Variants in SH3D19 observed in about 807,000 individuals in gnomAD.
SH3D19 encodes SH3 domain containing 19.
A neutral mutation model predicts 112.1 loss-of-function variants in SH3D19; 58 were observed. The observed-to-expected ratio is 0.52, with a 90% CI of 0.42 to 0.64. The LOEUF (loss-of-function observed/expected upper bound fraction) is 0.64. Among genes scored for constraint, SH3D19 ranks in the 30% least tolerant of loss-of-function variants. The pLI is 0.00. For missense variants in SH3D19, 1,090 were observed against 1,263.4 expected (o/e 0.86, Z 2.08); for synonymous variants, 391 against 448.5 (o/e 0.87, Z 1.62).
At chr4:151,233,258 A>G (rs543229985) in intron 1 of SH3D19, among the ~76,000 whole-genome samples, 1 of 151,998 alleles carries the variant, frequency 6.6e-6, no homozygotes, top group East Asian at 1.9e-4. Flanking sequence ...ATAATGTAAT[A>G]ATAATATAAA....
At chr4:151,269,010 T>C (rs888129211) in intron 1 of SH3D19, among the ~76,000 whole-genome samples, 6 of 152,152 alleles carry the variant, frequency 3.9e-5, no homozygotes, top group East Asian at 1.9e-4. Context: ...CCTGAGGAAT[T>C]GCCATACTGA....
chr4:151,298,076 T>C (rs976768538), intron 1 of SH3D19, among the ~76,000 whole-genome samples: 6 of 152,148 alleles, frequency 3.9e-5, no homozygotes, highest in Admixed American at 6.5e-5. Flanking sequence ...AAAAACAGGA[T>C]TCTCCCCTAG....
intron 2 of SH3D19, among the ~76,000 whole-genome samples, chr4:151,209,870 CTT>C (rs1765684775): frequency 6.6e-6 from 1 of 152,108 alleles, no homozygotes; most frequent in Non-Finnish European, 1.5e-5. Flanking sequence ...GGAAAGTGCT[CTT>C]TTGGGACCTG....
intron 1 of SH3D19, among the ~76,000 whole-genome samples, chr4:151,286,030 TAAA>T (rs771668211): frequency 1.6e-5 from 2 of 128,818 alleles, no homozygotes. Flanking sequence ...ACCCTATCTC[TAAA>T]AAAAAAAAAA....
At chr4:151,202,330 G>A (rs149812689) in intron 2 of SH3D19, among the ~76,000 whole-genome samples, 108 of 152,262 alleles carry the variant, frequency 7.1e-4, no homozygotes, top group African/African-American at 1.9e-3. Context: ...GCAAGACTCC[G>A]TCTCAAAATA....
chr4:151,163,714 G>C (rs1757529207), intron 8 of SH3D19, among the ~76,000 whole-genome samples: 1 of 152,032 alleles, frequency 6.6e-6, no homozygotes, highest in East Asian at 1.9e-4. Context: ...CCAAGTAGCT[G>C]GGATTACAGG....
At chr4:151,277,049 G>C (rs745921417) in intron 1 of SH3D19, 2 of 626,520 alleles carry the variant, frequency 3.2e-6, no homozygotes, top group Non-Finnish European at 4.7e-6. Flanking sequence ...GACCAAAGGA[G>C]AGGAGGGGGT....
At position 151,225,951 on chromosome 4, in the gene SH3D19, G is replaced by A. The variant is rs1326092493; in HGVS notation, c.152+96C>T. 4.0e-6 allele frequency: 3 copies of A among 755,072 alleles called. No individual in the cohort carries two copies. The East Asian group carries it at 1.0e-4, about 26-fold the overall frequency. 46.8% of individuals were successfully genotyped at this position (755,072 alleles called of 1,614,324 possible). A position where few individuals can be genotyped will look rare whatever the true frequency, so the allele number is the denominator to read the frequency against. ...CTGAATGCTACAGAAGATTCCAATA[G>A]ACAGTAACTCTAAAGAGGACACTTA... On this transcript the variant is annotated intron_variant, in intron 2 of 19. Transcript: ENST00000604030.
intron 9 of SH3D19, among the ~76,000 whole-genome samples, chr4:151,154,122 C>G (rs187069507): frequency 0.025 from 3,737 of 148,366 alleles, 100 homozygotes; most frequent in Admixed American, 0.074. Context: ...ACACCACACC[C>G]GGCTGATTTT....
chr4:151,208,572 G>A (rs1765452476), intron 2 of SH3D19, among the ~76,000 whole-genome samples: 1 of 151,994 alleles, frequency 6.6e-6, no homozygotes, highest in Admixed American at 6.6e-5. Context: ...GTTTCACCAT[G>A]TTTGTCAGGC....
chr4:151,122,618 C>G (rs1339353193), intron 19 of SH3D19, among the ~76,000 whole-genome samples: 1 of 151,862 alleles, frequency 6.6e-6, no homozygotes, highest in African/African-American at 2.4e-5. Context: ...AACGGGAAGG[C>G]AAATAAACTG....
At chr4:151,227,398 A>G (rs952265139) in intron 1 of SH3D19, among the ~76,000 whole-genome samples, 2 of 152,242 alleles carry the variant, frequency 1.3e-5, no homozygotes, top group Admixed American at 6.5e-5. Context: ...AATAAGTAAA[A>G]AGATTCACAA....
At chr4:151,238,384 G>C (rs1770292922) in intron 1 of SH3D19, among the ~76,000 whole-genome samples, 1 of 152,164 alleles carries the variant, frequency 6.6e-6, no homozygotes, top group Admixed American at 6.5e-5. Context: ...AGGTGCCAAA[G>C]GACGGATAAC....
intron 1 of SH3D19, among the ~76,000 whole-genome samples, chr4:151,286,641 C>T (rs1195318528): frequency 1.3e-5 from 2 of 150,832 alleles, no homozygotes; most frequent in Admixed American, 1.3e-4. Context: ...AAGACCAGGT[C>T]CAGATAGAAT....
intron 12 of SH3D19, among the ~76,000 whole-genome samples, chr4:151,143,250 T>C (rs1753338051): frequency 6.6e-6 from 1 of 151,716 alleles, no homozygotes; most frequent in Non-Finnish European, 1.5e-5. Context: ...AAAAAAATTC[T>C]AATTTTTTTT....
chr4:151,151,326 A>G (rs1250701850), intron 9 of SH3D19, among the ~76,000 whole-genome samples: 3 of 151,574 alleles, frequency 2.0e-5, no homozygotes, highest in African/African-American at 7.3e-5. Flanking sequence ...TAAGTCCCCA[A>G]CACACTCAGG....
chr4:151,277,197 A>G, intron 1 of SH3D19: 1 of 1,501,902 alleles, frequency 6.7e-7, no homozygotes, highest in Non-Finnish European at 9.0e-7. Flanking sequence ...CTGTGCCTTC[A>G]CGCTGCTCCT....
At position 151,136,868 on chromosome 4, in the gene SH3D19, A is replaced by T. The variant is rs2149750074; in HGVS notation, c.2427+864T>A. ...ACCCTTCATAATCCAAGAGACTCAA[A>T]TTCATTTCTATTTGAAGAATTCAGA... is the stretch of plus-strand genomic sequence containing the variant. On this transcript the variant is annotated intron_variant, in intron 14 of 19. Transcript: ENST00000604030. 2.0e-5 allele frequency among the ~76,000 whole-genome samples: 3 copies of T among 152,336 alleles called. No homozygotes were observed. The Middle Eastern group carries it at 0.01, about 518-fold the overall frequency.
At chr4:151,255,330 G>C (rs1479606561) in intron 1 of SH3D19, among the ~76,000 whole-genome samples, 1 of 150,588 alleles carries the variant, frequency 6.6e-6, no homozygotes, top group Non-Finnish European at 1.5e-5. Flanking sequence ...GGGCAGAGAT[G>C]CTCCTCACCT....
Sources: gnomAD v4.1 joint callset for allele counts (sites outside exome capture counted in the v4.1 genomes callset) on GRCh38, gnomAD v4.1.1 for gene constraint, MANE v1.5 for transcripts, NCBI Gene and HGNC (gene_info 2026-07-23, HGNC 2026-07-21) for gene names.